Variants in SNX31 observed in about 807,000 individuals in gnomAD.
SNX31 encodes sorting nexin-31.
Under a neutral mutation model 65.4 loss-of-function variants are expected in SNX31, and 58 were observed. The ratio of observed to expected loss-of-function variants is 0.89; its 90% CI spans 0.72 to 1.10. SNX31 has a LOEUF of 1.10. Ranked by LOEUF, SNX31 falls within the 50% of genes least tolerant of loss-of-function variation. The pLI, the probability that SNX31 is intolerant of heterozygous loss-of-function variation, is 0.00. For missense variants in SNX31, 523 were observed against 529.7 expected (o/e 0.99, Z 0.12); for synonymous variants, 181 against 190.1 (o/e 0.95, Z 0.39).
intron 10 of SNX31, among the ~76,000 whole-genome samples, chr8:100,591,339 C>T (rs562944720): frequency 1.3e-5 from 2 of 152,154 alleles, no homozygotes; most frequent in South Asian, 4.2e-4. Context: ...GATTACTCTG[C>T]AACTTCATCA....
At chr8:100,593,207 C>T (rs1255111665) in intron 10 of SNX31, among the ~76,000 whole-genome samples, 1 of 151,986 alleles carries the variant, frequency 6.6e-6, no homozygotes, top group African/African-American at 2.4e-5. Context: ...TCAATAAAGC[C>T]GTTATAAAGA....
At position 100,578,684 on chromosome 8, in the gene SNX31, T is replaced by TTTTTATTTTA. The variant is rs138548509; in HGVS notation, c.1171-1619_1171-1610dup. Among the ~76,000 whole-genome samples the TTTTTATTTTA allele has an allele frequency of 0.05, 7,256 of 145,432 alleles. 222 individuals carry two copies. Among genetic ancestry groups the TTTTTATTTTA allele is most frequent in the Non-Finnish European group, 0.059 (3,929 of 66,532 alleles). ...ACATATTTAAGCCTATTTCAATGAT[T>TTTTTATTTTA]TTTTATTTTATTTTATTTTATTTTA... On this transcript the variant is annotated intron_variant, in intron 12 of 13. Transcript: ENST00000311812. This position sits in a 1 kb window ranked among gnomAD's most constrained non-coding sequence, Gnocchi z 4.7.
rs908097027 is a variant in SNX31 at position 100,625,119 on chromosome 8, A to G, written c.321+5208T>C. Among the ~76,000 whole-genome samples, 7 of 152,234 alleles carry G rather than the reference A, an allele frequency of 4.6e-5. No homozygotes were observed. Among genetic ancestry groups the G allele is most frequent in the African/African-American group, 1.4e-4 (6 of 41,536 alleles). The stretch of plus-strand genomic sequence containing the variant: ...AGCCACCACGTTTGGCCCAGCTGCC[A>G]TACTTATCTATAATGCAGCAGGAAT... On this transcript the variant is annotated intron_variant, in intron 4 of 13. Coordinates refer to ENST00000311812, the MANE Select transcript of SNX31 (RefSeq NM_152628.4). The surrounding 1 kb of genome is among the most constrained non-coding windows in gnomAD (Gnocchi z 4.2).
chr8:100,606,658 A>T (rs1486815497), intron 8 of SNX31, among the ~76,000 whole-genome samples: 1 of 152,042 alleles, frequency 6.6e-6, no homozygotes, highest in Non-Finnish European at 1.5e-5. Context: ...CTTATCCACC[A>T]TCTCTCTCTC....
chr8:100,584,258 C>A (rs950648), intron 11 of SNX31, 70 bp from the exon 12 acceptor site: 1 of 1,271,518 alleles, frequency 7.9e-7, no homozygotes, highest in Non-Finnish European at 1.1e-6. Flanking sequence ...CCTCCTCACA[C>A]CACAAAGCGG....
chr8:100,574,938 GA>G (rs1357459652), intron 13 of SNX31, among the ~76,000 whole-genome samples: 1 of 151,038 alleles, frequency 6.6e-6, no homozygotes, highest in Admixed American at 6.6e-5. Context: ...TGTCTCATTA[GA>G]AAAAAAAAGT....
At position 100,636,000 on chromosome 8, in the gene SNX31, G is replaced by A; in HGVS notation, c.153C>T (p.Val51=). ...LHGWNEQLRR[V]FGNCLPPFPP... ...GGAAGGGTGGCAGGCAATTTCCAAA[G>A]ACCCGCCTTAGCTGAAAGATCCAGG... The change falls in exon 3 of 14, where the codon GTC becomes GTT. Residue 51 remains valine (V), a synonymous_variant. Transcript: ENST00000311812. 3.7e-6 allele frequency: 6 copies of A among 1,613,830 alleles called. No individual in the cohort carries two copies. Among genetic ancestry groups the A allele is most frequent in the Non-Finnish European group, 5.1e-6 (6 of 1,179,776 alleles).
rs1817361923 is a variant in SNX31 at position 100,617,864 on chromosome 8, A to C, written c.322-134T>G. On this transcript the variant is annotated intron_variant, in intron 4 of 13. Transcript: ENST00000311812. Reference sequence around the variant, plus strand: ...ACTGCAACCTCTGCCTCCTGGGTTCAAGTGATTCTCCTTCCTCAGCCTCCC... The same window carrying C: ...ACTGCAACCTCTGCCTCCTGGGTTCCAGTGATTCTCCTTCCTCAGCCTCCC... 8 of 730,926 alleles carry C rather than the reference A, an allele frequency of 1.1e-5. No homozygotes were observed. The South Asian group carries it at 1.6e-4, about 14-fold the overall frequency. 45.3% of individuals were successfully genotyped at this position (730,926 alleles called of 1,614,324 possible).
In SNX31 at chr8:100,575,513, C is replaced by T. The variant is rs991907055; in HGVS notation, c.1227+1506G>A. The stretch of plus-strand genomic sequence containing the variant: ...GCCTGTATTAGAGTTACCACTCATC[C>T]GAGAGGACAACTGAACTGATCACAG... On this transcript the variant is annotated intron_variant, in intron 13 of 13. Coordinates refer to ENST00000311812, the MANE Select transcript of SNX31 (RefSeq NM_152628.4). This position sits in a 1 kb window ranked among gnomAD's most constrained non-coding sequence, Gnocchi z 5.1. Among the ~76,000 whole-genome samples the T allele has an allele frequency of 3.3e-5, 5 of 152,284 alleles. No homozygotes were observed. Among genetic ancestry groups the T allele is most frequent in the South Asian group, 2.1e-4 (1 of 4,816 alleles).
chr8:100,663,406 G>C (rs1809819986), exon 1 of SNX31: 1 of 152,100 alleles, frequency 6.6e-6, no homozygotes, highest in Admixed American at 6.5e-5. Context: ...GAATGCACAG[G>C]GCTTTTGAGG....
chr8:100,577,224 T>G (rs544909012), intron 12 of SNX31, 149 bp from the exon 13 acceptor site: 7 of 630,942 alleles, frequency 1.1e-5, no homozygotes. Flanking sequence ...TTGTCATCTG[T>G]GCATTCCTCT....
intron 12 of SNX31, among the ~76,000 whole-genome samples, chr8:100,583,654 C>G (rs184110129): frequency 6.6e-6 from 1 of 151,858 alleles, no homozygotes; most frequent in African/African-American, 2.4e-5. Flanking sequence ...TACTACCTCC[C>G]CCAACTGTTA....
At position 100,613,168 on chromosome 8, in the gene SNX31, G is replaced by C; in HGVS notation, c.433-83C>G. The C allele has an allele frequency of 9.4e-7, 1 of 1,061,928 alleles. No individual in the cohort carries two copies. The highest frequency in any genetic ancestry group is 1.5e-6 in the Non-Finnish European group (1 of 687,136). The allele number at this position is 1,061,928 out of a possible 1,614,324, so 65.8% of individuals were successfully genotyped here. A position where few individuals can be genotyped will look rare whatever the true frequency, so the allele number is the denominator to read the frequency against. On this transcript the variant is annotated intron_variant, in intron 5 of 13. Transcript: ENST00000311812. This position sits in a 1 kb window ranked among gnomAD's most constrained non-coding sequence, Gnocchi z 5.2. The stretch of plus-strand genomic sequence containing the variant: ...ACTGTGACATGCAGACTTGGAAATG[G>C]CCGGTACACATCAATAAAAAATGCT...
chr8:100,640,060 G>C (rs1028727332), intron 2 of SNX31, among the ~76,000 whole-genome samples: 1 of 152,178 alleles, frequency 6.6e-6, no homozygotes, highest in Non-Finnish European at 1.5e-5. Flanking sequence ...TTACAGACTT[G>C]TTTTAAATAA....
At position 100,596,217 on chromosome 8, in the gene SNX31, A is replaced by G. The variant is rs1023162171; in HGVS notation, c.978+422T>C. On this transcript the variant is annotated intron_variant, in intron 10 of 13. Transcript: ENST00000311812. The stretch of plus-strand genomic sequence containing the variant: ...AAAGTGGGCACTCAATAAATCTAAT[A>G]AGGGTTTCTCTTGGGAGAAGCTGGC... Among the ~76,000 whole-genome samples the G allele has an allele frequency of 7.9e-5, 12 of 152,196 alleles. No homozygotes were observed. In the East Asian group the frequency reaches 2.3e-3, roughly 29 times the overall value.
At chr8:100,620,759 C>G (rs1817623429) in intron 4 of SNX31, among the ~76,000 whole-genome samples, 1 of 152,148 alleles carries the variant, frequency 6.6e-6, no homozygotes, top group Non-Finnish European at 1.5e-5. Context: ...TATACACTTA[C>G]TAATCCCATT....
At chr8:100,650,862 T>TG (rs1314996193), upstream of SNX31, among the ~76,000 whole-genome samples, 136 of 150,556 alleles carry the variant, frequency 9.0e-4, 1 homozygote, top group African/African-American at 3.2e-3. Flanking sequence ...TTTTTTTTTT[T>TG]TTGTTTTGAG....
chr8:100,608,498 A>G lies in SNX31; in HGVS notation c.677T>C (p.Met226Thr). ...TGAGCTCTTGGTGACCCTCACCTGCATGTAGAGCAAATCTACCGCCACCCT... is the reference window on the plus strand; with the variant it reads ...TGAGCTCTTGGTGACCCTCACCTGCGTGTAGAGCAAATCTACCGCCACCCT... ...DCRVAVDLLY[M>T]QAIQDIEKGW... The change falls in exon 8 of 14, where the codon ATG (methionine) becomes ACG (threonine). Residue 226 changes from methionine to threonine, a missense_variant. Coordinates refer to ENST00000311812, the MANE Select transcript of SNX31 (RefSeq NM_152628.4). 2 of 1,614,074 alleles carry G rather than the reference A, an allele frequency of 1.2e-6. No individual in the cohort carries two copies. The highest frequency in any genetic ancestry group is 2.2e-5 in the East Asian group (1 of 44,876).
intron 8 of SNX31, among the ~76,000 whole-genome samples, chr8:100,606,553 G>C (rs1018983924): frequency 6.6e-6 from 1 of 152,092 alleles, no homozygotes; most frequent in Non-Finnish European, 1.5e-5. Context: ...GGTAAGCCAG[G>C]GTAACAAAAT....
Sources: gnomAD v4.1 joint callset for allele counts (sites outside exome capture counted in the v4.1 genomes callset) on GRCh38, gnomAD v4.1.1 for gene constraint, Gnocchi (gnomAD v3.1) non-coding constraint, MANE v1.5 for transcripts, NCBI Gene and HGNC (gene_info 2026-07-23, HGNC 2026-07-21) for gene names.